TMEM108: variants seen among roughly 807,000 people sequenced by gnomAD.
TMEM108 encodes transmembrane protein 108.
In TMEM108, 12 loss-of-function variants were observed where a neutral mutation model predicts 35.1. That is an observed-to-expected ratio of 0.34 (90% CI 0.22 to 0.55). TMEM108 has a LOEUF of 0.55. TMEM108 is among the 20% of genes least tolerant of loss of function. The pLI is 0.89. For missense variants in TMEM108, 680 were observed against 753.3 expected (o/e 0.90, Z 1.14); for synonymous variants, 287 against 308.6 (o/e 0.93, Z 0.73).
Position 133,185,779 on chromosome 3 carries a change from CTTTTCTTT to C in TMEM108, c.-46-43482_-46-43475del, listed in dbSNP as rs993216742. 2.7e-4 allele frequency among the ~76,000 whole-genome samples: 24 copies of C among 89,944 alleles called. No individual in the cohort carries two copies. In the South Asian group the frequency reaches 5.8e-3, roughly 22 times the overall value. 59.0% of individuals were successfully genotyped at this position (89,944 alleles called of 152,430 possible). On this transcript the variant is annotated intron_variant, in intron 2 of 5. Transcript: ENST00000321871. ...CCTTGCGTTTCTTTTCTTTTCTTTT[CTTTTCTTT>C]TTTTTTTTTTTTGAGACAGAGTCTT...
chr3:133,386,503 C>CCT, intron 4 of TMEM108: 1 of 1,535,326 alleles, frequency 6.5e-7, no homozygotes, highest in Non-Finnish European at 8.7e-7. Context: ...TGGAGTGACC[C>CCT]CTCTTCTTCC....
intron 2 of TMEM108, among the ~76,000 whole-genome samples, chr3:133,088,520 G>A (rs1943910407): frequency 6.6e-6 from 1 of 152,140 alleles, no homozygotes; most frequent in Non-Finnish European, 1.5e-5. Context: ...TTTTTGAGTA[G>A]CAAAGCTTAG....
At chr3:133,297,010 C>G (rs1210856283) in intron 3 of TMEM108, among the ~76,000 whole-genome samples, 1 of 152,228 alleles carries the variant, frequency 6.6e-6, no homozygotes, top group South Asian at 2.1e-4. Context: ...TAGAACAAGG[C>G]CCAGGTCTGA....
In TMEM108 at chr3:133,191,088, A is replaced by T. The variant is rs532672062; in HGVS notation, c.-46-38178A>T. 4.6e-5 allele frequency among the ~76,000 whole-genome samples: 7 copies of T among 152,278 alleles called. No homozygotes were observed. The South Asian group carries it at 1.5e-3, about 32-fold the overall frequency. ...GATTAAAAACATTAAATCATTTTTC[A>T]TTAAAGTTAATTGAAGTGACAGACT... On this transcript the variant is annotated intron_variant, in intron 2 of 5. Coordinates refer to ENST00000321871, the MANE Select transcript of TMEM108 (RefSeq NM_023943.4).
At chr3:133,378,709 C>T (rs1428328356) in intron 3 of TMEM108, among the ~76,000 whole-genome samples, 1 of 152,108 alleles carries the variant, frequency 6.6e-6, no homozygotes, top group Non-Finnish European at 1.5e-5. Context: ...TGATAAAATC[C>T]ACACATAACT....
chr3:133,139,133 G>A (rs901613238), intron 2 of TMEM108, among the ~76,000 whole-genome samples: 2 of 152,232 alleles, frequency 1.3e-5, no homozygotes, highest in African/African-American at 4.8e-5. Flanking sequence ...TGGTGTATAT[G>A]TGCCACATTT....
At chr3:133,257,488 C>G (rs955805393) in intron 3 of TMEM108, among the ~76,000 whole-genome samples, 2 of 152,068 alleles carry the variant, frequency 1.3e-5, no homozygotes, top group Non-Finnish European at 2.9e-5. Context: ...AACAGTTGAA[C>G]CTGACTTCAT....
At chr3:133,195,190 A>T (rs1945559236) in intron 2 of TMEM108, among the ~76,000 whole-genome samples, 1 of 152,190 alleles carries the variant, frequency 6.6e-6, no homozygotes, top group Admixed American at 6.5e-5. Context: ...ATACTTCCAC[A>T]TGTATTGTCT....
At chr3:133,243,364 T>C (rs1237133299) in intron 3 of TMEM108, among the ~76,000 whole-genome samples, 4 of 152,102 alleles carry the variant, frequency 2.6e-5, no homozygotes, top group Admixed American at 2.0e-4. Context: ...ATTGATGTTA[T>C]TGTTATTTTG....
intron 3 of TMEM108, among the ~76,000 whole-genome samples, chr3:133,342,895 ATAGT>A (rs1028381016): frequency 3.3e-5 from 5 of 151,742 alleles, no homozygotes; most frequent in East Asian, 1.9e-4. Flanking sequence ...ATATTTTCAA[ATAGT>A]TAGAAGAGAA....
chr3:133,352,880 C>T (rs948882722), intron 3 of TMEM108, among the ~76,000 whole-genome samples: 5 of 152,132 alleles, frequency 3.3e-5, no homozygotes, highest in African/African-American at 1.2e-4. Context: ...ATGAACTCAA[C>T]TTCTAACCCC....
chr3:133,104,732 G>T (rs1157427697), intron 2 of TMEM108, among the ~76,000 whole-genome samples: 2 of 152,162 alleles, frequency 1.3e-5, no homozygotes, highest in Non-Finnish European at 2.9e-5. Flanking sequence ...ACATTTTGGG[G>T]AAAACTCTCA....
intron 2 of TMEM108, among the ~76,000 whole-genome samples, 158 bp from the exon 3 acceptor site, chr3:133,229,108 C>G (rs113734765): frequency 6.6e-6 from 1 of 152,134 alleles, no homozygotes; most frequent in Non-Finnish European, 1.5e-5. Flanking sequence ...ATAACATACA[C>G]CATTGTAAAT....
intron 3 of TMEM108, among the ~76,000 whole-genome samples, chr3:133,290,734 G>C (rs1309511155): frequency 6.6e-6 from 1 of 152,110 alleles, no homozygotes; most frequent in East Asian, 1.9e-4. Context: ...ATCAGATAGA[G>C]TGATTAATGA....
chr3:133,228,398 G>A (rs1205029635), intron 2 of TMEM108, among the ~76,000 whole-genome samples: 1 of 152,084 alleles, frequency 6.6e-6, no homozygotes, highest in Non-Finnish European at 1.5e-5. Context: ...TTCTTCCTTG[G>A]GTAGAGTGTA....
At chr3:133,330,728 A>G (rs1428177327) in intron 3 of TMEM108, among the ~76,000 whole-genome samples, 1 of 152,096 alleles carries the variant, frequency 6.6e-6, no homozygotes, top group African/African-American at 2.4e-5. Flanking sequence ...ATTCTGACTC[A>G]TATTTTGATG....
At chr3:133,353,480 G>A (rs80246661) in intron 3 of TMEM108, among the ~76,000 whole-genome samples, 170 of 152,268 alleles carry the variant, frequency 1.1e-3, no homozygotes, top group African/African-American at 3.7e-3. Flanking sequence ...TACCATAAAC[G>A]TCTTATCCAT....
At chr3:133,375,793 T>C (rs1043099233) in intron 3 of TMEM108, among the ~76,000 whole-genome samples, 1 of 152,182 alleles carries the variant, frequency 6.6e-6, no homozygotes, top group African/African-American at 2.4e-5. Flanking sequence ...ATGGCTGTGG[T>C]CCAGGCTGTG....
intron 5 of TMEM108, among the ~76,000 whole-genome samples, chr3:133,392,731 C>T (rs533036417): frequency 1.2e-4 from 18 of 152,294 alleles, no homozygotes; most frequent in African/African-American, 3.8e-4. Context: ...CTGCACACCC[C>T]ACTTCTAGTC....
Sources: gnomAD v4.1 joint callset for allele counts (sites outside exome capture counted in the v4.1 genomes callset) on GRCh38, gnomAD v4.1.1 for gene constraint, MANE v1.5 for transcripts, NCBI Gene and HGNC (gene_info 2026-07-23, HGNC 2026-07-21) for gene names.